The following CTNNA3 variants were observed in gnomAD, a reference collection of about 807,000 sequenced individuals.
CTNNA3 encodes the protein catenin alpha-3.
Under a neutral mutation model 95.7 loss-of-function variants are expected in CTNNA3, and 76 were observed. The observed-to-expected ratio is 0.79, with a 90% CI of 0.66 to 0.96. The LOEUF is 0.96. Among genes scored for constraint, CTNNA3 ranks in the 40% least tolerant of loss-of-function variants. The pLI, the probability that CTNNA3 is intolerant of heterozygous loss-of-function variation, is 0.00. For synonymous variants in CTNNA3, 431 were observed against 374.4 expected (o/e 1.15, Z -1.74); for missense variants, 1,191 against 1,089.8 (o/e 1.09, Z -1.31).
intron 10 of CTNNA3, among the ~76,000 whole-genome samples, chr10:66,569,125 T>G (rs567839738): frequency 1.3e-5 from 2 of 151,988 alleles, no homozygotes; most frequent in Non-Finnish European, 2.9e-5. Flanking sequence ...TGCCTCTCAT[T>G]AGCCTTGCCC....
chr10:65,991,116 A>G (rs963857052), intron 15 of CTNNA3, among the ~76,000 whole-genome samples: 4 of 151,440 alleles, frequency 2.6e-5, no homozygotes, highest in Non-Finnish European at 5.9e-5. Context: ...TCATGTGTCT[A>G]TTTTTACGCT....
intron 7 of CTNNA3, among the ~76,000 whole-genome samples, chr10:66,808,412 T>A (rs1342263993): frequency 1.3e-5 from 2 of 152,140 alleles, no homozygotes; most frequent in South Asian, 4.1e-4. Context: ...CCATACTCAG[T>A]GTTGGCAAGT....
intron 1 of CTNNA3, among the ~76,000 whole-genome samples, chr10:67,740,074 A>C (rs1172576559): frequency 1.3e-5 from 2 of 152,248 alleles, no homozygotes; most frequent in Admixed American, 1.3e-4. Flanking sequence ...TCCCTATTTA[A>C]TAAATGGTGC....
chr10:66,405,332 C>T (rs1801262042), intron 11 of CTNNA3, among the ~76,000 whole-genome samples: 1 of 152,064 alleles, frequency 6.6e-6, no homozygotes, highest in Non-Finnish European at 1.5e-5. Flanking sequence ...ATGTCTAGAA[C>T]ATAATGTGTT....
chr10:67,386,240 C>T (rs578087884), intron 5 of CTNNA3, among the ~76,000 whole-genome samples: 11 of 152,272 alleles, frequency 7.2e-5, no homozygotes, highest in East Asian at 5.8e-4. Context: ...GACAGTCTGA[C>T]GAAAGCATAA....
At chr10:66,895,031 A>G (rs1266422874) in intron 7 of CTNNA3, among the ~76,000 whole-genome samples, 1 of 143,624 alleles carries the variant, frequency 7.0e-6, no homozygotes, top group East Asian at 2.1e-4. Flanking sequence ...CGAGAGCTAT[A>G]GAGAAAAAGT....
intron 3 of CTNNA3, 21 bp downstream of exon 3, chr10:67,606,836 G>A (rs1189928302): frequency 1.9e-6 from 3 of 1,588,752 alleles, no homozygotes; most frequent in Admixed American, 3.5e-5. Context: ...GTTTGCTCCT[G>A]ACCAGGATTG....
rs529713785 is a variant in CTNNA3 at position 65,948,206 on chromosome 10, G to A, written c.2400+18406C>T. ...TGAGGCAGGAGAATGGCATGACCCC[G>A]GGAGGCGGAGCTTGCAGTGAGCCGA... On this transcript the variant is annotated intron_variant, in intron 17 of 17. Coordinates refer to ENST00000433211, the MANE Select transcript of CTNNA3 (RefSeq NM_013266.4). Among the ~76,000 whole-genome samples, 45 of 151,226 alleles carry A rather than the reference G, an allele frequency of 3.0e-4. No individual in the cohort carries two copies. The South Asian group carries it at 4.6e-3, about 16-fold the overall frequency.
intron 15 of CTNNA3, among the ~76,000 whole-genome samples, chr10:66,020,416 G>C (rs562788806): frequency 1.3e-5 from 2 of 152,300 alleles, no homozygotes; most frequent in South Asian, 4.1e-4. Context: ...CAAAAAGTTG[G>C]AGAGTAGAGA....
chr10:66,699,044 T>C (rs1332745665), intron 9 of CTNNA3, among the ~76,000 whole-genome samples: 1 of 152,226 alleles, frequency 6.6e-6, no homozygotes. Flanking sequence ...TATGTACCTT[T>C]ACACATACAC....
chr10:66,728,333 C>G (rs1341913930), intron 9 of CTNNA3, among the ~76,000 whole-genome samples: 1 of 152,128 alleles, frequency 6.6e-6, no homozygotes, highest in Non-Finnish European at 1.5e-5. Context: ...GATATTAGAC[C>G]TTTGTCAGAT....
At chr10:67,663,853 T>C (rs1433238663) in intron 1 of CTNNA3, among the ~76,000 whole-genome samples, 1 of 152,192 alleles carries the variant, frequency 6.6e-6, no homozygotes, top group Non-Finnish European at 1.5e-5. Context: ...GCTAGTTCAC[T>C]TAGACAAGCC....
intron 7 of CTNNA3, among the ~76,000 whole-genome samples, chr10:66,812,924 A>G (rs114227201): frequency 7.2e-5 from 11 of 152,268 alleles, no homozygotes; most frequent in African/African-American, 2.6e-4. Flanking sequence ...TGAATATTAC[A>G]TAACTTTTGT....
chr10:67,346,456 G>A (rs558923662), intron 5 of CTNNA3, among the ~76,000 whole-genome samples: 1 of 152,208 alleles, frequency 6.6e-6, no homozygotes, highest in South Asian at 2.1e-4. Context: ...GTCTGGGAAT[G>A]TTTTTATTTC....
intron 1 of CTNNA3, among the ~76,000 whole-genome samples, chr10:67,724,699 T>C (rs1841198997): frequency 6.6e-6 from 1 of 152,222 alleles, no homozygotes; most frequent in South Asian, 2.1e-4. Context: ...TCAGCTTCCC[T>C]CTTCACATAA....
chr10:66,416,280 G>C (rs1231066521), intron 11 of CTNNA3, among the ~76,000 whole-genome samples: 2 of 147,812 alleles, frequency 1.4e-5, no homozygotes, highest in Non-Finnish European at 1.5e-5. Context: ...TAAAAAAAAA[G>C]AATGAACAAA....
chr10:66,679,302 G>A (rs1420582233), intron 9 of CTNNA3, among the ~76,000 whole-genome samples: 1 of 152,138 alleles, frequency 6.6e-6, no homozygotes, highest in Non-Finnish European at 1.5e-5. Flanking sequence ...GAATGATTTT[G>A]AGGATACTAG....
intron 7 of CTNNA3, among the ~76,000 whole-genome samples, chr10:66,845,703 C>CAAAAAAAAAAAAAAAAAAAAAAAAAAAA (rs61085873): frequency 4.2e-5 from 1 of 23,534 alleles, no homozygotes; most frequent in African/African-American, 1.0e-4. Flanking sequence ...AACTCTGTCT[C>CAAAAAAAAAAAAAAAAAAAAAAAAAAAA]AAAAAAAAAA....
chr10:67,400,551 C>T (rs1844879615), intron 5 of CTNNA3, among the ~76,000 whole-genome samples: 1 of 152,128 alleles, frequency 6.6e-6, no homozygotes, highest in Non-Finnish European at 1.5e-5. Flanking sequence ...ATATTGAGAT[C>T]ATATCCCTTT....
Sources: allele counts gnomAD v4.1 joint callset (sites outside exome capture counted in the v4.1 genomes callset), GRCh38; gene constraint gnomAD v4.1.1; transcripts MANE v1.5; gene names NCBI Gene and HGNC (gene_info 2026-07-23, HGNC 2026-07-21).